Variants in GYPC observed in about 807,000 individuals in gnomAD.
GYPC encodes the protein glycophorin-C.
In GYPC, 14 loss-of-function variants were observed where a neutral mutation model predicts 12.6. The ratio of observed to expected loss-of-function variants is 1.11; its 90% confidence interval spans 0.74 to 1.74. GYPC has a LOEUF of 1.74. GYPC is among the 40% of genes most tolerant of loss of function. The probability of loss-of-function intolerance (pLI) is 0.00; values close to 1 mark genes in which losing one functional copy is unlikely to be tolerated. For synonymous variants in GYPC, 78 were observed against 62.1 expected (o/e 1.26, Z -1.20); for missense variants, 225 against 172.1 (o/e 1.31, Z -1.72).
chr2:126,671,820 C>G (rs1026183554), intron 1 of GYPC, among the ~76,000 whole-genome samples: 1 of 152,208 alleles, frequency 6.6e-6, no homozygotes, highest in Non-Finnish European at 1.5e-5. Flanking sequence ...TCAGATGGCA[C>G]TAAGGGCTGG....
intron 1 of GYPC, among the ~76,000 whole-genome samples, chr2:126,661,865 T>A (rs2104769700): frequency 6.6e-6 from 1 of 152,300 alleles, no homozygotes; most frequent in Admixed American, 6.5e-5. Context: ...AAGCTCCGCT[T>A]CGGGGCATGT....
chr2:126,677,640 G>C lies in GYPC; in HGVS notation c.50-12615G>C, dbSNP rs920430662. 2.7e-5 allele frequency among the ~76,000 whole-genome samples: 4 copies of C among 149,680 alleles called. No homozygotes were observed. In the South Asian group the frequency reaches 8.6e-4, roughly 32 times the overall value. On this transcript the variant is annotated intron_variant, in intron 1 of 3. Coordinates refer to ENST00000259254, the MANE Select transcript of GYPC (RefSeq NM_002101.5). ...ACAATAAGAATAGCTCCCATGTGCC[G>C]GGCAACACCCCGAGAGCCACACTCA...
chr2:126,663,911 C>CTTTGAATG (rs1491218562), intron 1 of GYPC, among the ~76,000 whole-genome samples: 1 of 151,666 alleles, frequency 6.6e-6, no homozygotes, highest in Non-Finnish European at 1.5e-5. Context: ...TCATGCTCCC[C>CTTTGAATG]TTTGAATGGG....
At chr2:126,679,348 A>C (rs900945971) in intron 1 of GYPC, among the ~76,000 whole-genome samples, 2 of 152,198 alleles carry the variant, frequency 1.3e-5, no homozygotes, top group African/African-American at 4.8e-5. Context: ...GATAAATGAC[A>C]GTCATTAATG....
intron 1 of GYPC, among the ~76,000 whole-genome samples, chr2:126,670,239 C>G (rs953424022): frequency 3.9e-5 from 6 of 152,246 alleles, no homozygotes; most frequent in Non-Finnish European, 8.8e-5. Flanking sequence ...CTGGACCAAG[C>G]CTTAAGTTTA....
Position 126,690,257 on chromosome 2 carries a change from C to G in GYPC, c.52C>G (p.Pro18Ala). The G allele has an allele frequency of 3.1e-6, 5 of 1,611,296 alleles. No individual in the cohort carries two copies. Among genetic ancestry groups the G allele is most frequent in the Non-Finnish European group, 4.2e-6 (5 of 1,177,406 alleles). Reference sequence around the variant, plus strand: ...AGATTCTTGTCCTCTGTTCACAGAGCCTGATCCGGGGATGGCCTCTGCCTC... The same window carrying G: ...AGATTCTTGTCCTCTGTTCACAGAGGCTGATCCGGGGATGGCCTCTGCCTC... The part of the protein sequence containing the change: ...NSTAWPLSLE[P>A]DPGMASASTT... The change falls in exon 2 of 4, where the codon CCT becomes GCT. Residue 18 changes from proline (P) to alanine (A), a missense_variant and splice_region_variant. Physicochemically the swap from Pro to Ala is conservative, Grantham distance 27. Transcript: ENST00000259254.
chr2:126,670,749 A>C (rs1682829034), intron 1 of GYPC, among the ~76,000 whole-genome samples: 1 of 152,132 alleles, frequency 6.6e-6, no homozygotes, highest in East Asian at 1.9e-4. Flanking sequence ...AAAGACTCAG[A>C]GACAGGGAGA....
intron 1 of GYPC, among the ~76,000 whole-genome samples, chr2:126,667,583 A>C (rs1450832768): frequency 1.3e-5 from 2 of 151,038 alleles, no homozygotes; most frequent in Non-Finnish European, 2.9e-5. Flanking sequence ...TTATATTTTT[A>C]GTAGAGACGG....
At chr2:126,685,256 G>C (rs759463368) in intron 1 of GYPC, among the ~76,000 whole-genome samples, 1 of 152,204 alleles carries the variant, frequency 6.6e-6, no homozygotes, top group Non-Finnish European at 1.5e-5. Flanking sequence ...CACAGTGCTA[G>C]CTGAGAAGCA....
Position 126,695,984 on chromosome 2 carries a change from C to T in GYPC, c.229C>T (p.Leu77Phe). 1.9e-6 allele frequency: 3 copies of T among 1,614,160 alleles called. No individual in the cohort carries two copies. Among genetic ancestry groups the T allele is most frequent in the Middle Eastern group, 1.6e-4 (1 of 6,062 alleles). The part of the protein sequence containing the change: ...AAVAIVLVSL[L>F]FVMLRYMYRH... ...TGTGGCCATCGTCCTAGTCTCCCTC[C>T]TCTTCGTCATGCTGCGCTACATGTA... Residue 77 changes from leucine to phenylalanine, a missense_variant, in exon 4 of 4, where the codon CTC (leucine) becomes TTC (phenylalanine). Coordinates refer to ENST00000259254, the MANE Select transcript of GYPC (RefSeq NM_002101.5).
intron 1 of GYPC, among the ~76,000 whole-genome samples, chr2:126,672,049 A>G (rs533876794): frequency 1.3e-5 from 2 of 152,056 alleles, no homozygotes; most frequent in Non-Finnish European, 2.9e-5. Context: ...TCTGACCAAG[A>G]CACATCCAGG....
At chr2:126,659,177 A>G (rs991705591) in intron 1 of GYPC, among the ~76,000 whole-genome samples, 4 of 152,216 alleles carry the variant, frequency 2.6e-5, no homozygotes, top group African/African-American at 9.7e-5. Flanking sequence ...AAACGCTGTC[A>G]CTTTGGAATG....
rs28369975 is a variant in GYPC at position 126,663,252 on chromosome 2, T to G, written c.49+6940T>G. 5.0e-3 allele frequency among the ~76,000 whole-genome samples: 761 copies of G among 152,040 alleles called. 3 individuals carry two copies. Among genetic ancestry groups the G allele is most frequent in the Non-Finnish European group, 7.7e-3 (525 of 67,948 alleles). The stretch of plus-strand genomic sequence containing the variant: ...GTGGTTTCACCTTGTTGGCCAGGAT[T>G]GTCTCAATCTCCTGACCTCCTGATC... On this transcript the variant is annotated intron_variant, in intron 1 of 3. Transcript: ENST00000259254.
At chr2:126,693,646 G>T (rs1330403849) in intron 2 of GYPC, among the ~76,000 whole-genome samples, 4 of 152,164 alleles carry the variant, frequency 2.6e-5, no homozygotes, top group Non-Finnish European at 5.9e-5. Context: ...TGGTGGTTCA[G>T]GTTCAAACAG....
intron 1 of GYPC, chr2:126,658,802 T>C (rs1682443901): frequency 6.6e-6 from 1 of 152,224 alleles, no homozygotes; most frequent in Admixed American, 6.5e-5. Context: ...CATCAGAATA[T>C]CTCTTAAAGG....
chr2:126,666,708 T>TACACACACACACACACAC (rs67904410), intron 1 of GYPC, among the ~76,000 whole-genome samples: 4 of 118,422 alleles, frequency 3.4e-5, no homozygotes, highest in Non-Finnish European at 6.8e-5. Flanking sequence ...CCTCCCTCCC[T>TACACACACACACACACAC]ACACACACAC....
intron 1 of GYPC, among the ~76,000 whole-genome samples, chr2:126,676,592 G>A (rs1267222427): frequency 6.6e-6 from 1 of 152,208 alleles, no homozygotes; most frequent in African/African-American, 2.4e-5. Context: ...AGTTATGTAT[G>A]TGTTTATGGC....
At chr2:126,685,341 C>T (rs1227717528) in intron 1 of GYPC, among the ~76,000 whole-genome samples, 3 of 152,012 alleles carry the variant, frequency 2.0e-5, no homozygotes, top group African/African-American at 7.2e-5. Context: ...CAGATTTGCA[C>T]AAAGCCTTTC....
chr2:126,692,542 C>T (rs768770284), intron 2 of GYPC, among the ~76,000 whole-genome samples: 2 of 152,098 alleles, frequency 1.3e-5, no homozygotes, highest in East Asian at 1.9e-4. Flanking sequence ...GTAATGGGAA[C>T]GTGGGATTTC....
Sources: allele counts gnomAD v4.1 joint callset (sites outside exome capture counted in the v4.1 genomes callset), GRCh38; gene constraint gnomAD v4.1.1; transcripts MANE v1.5; gene names NCBI Gene and HGNC (gene_info 2026-07-23, HGNC 2026-07-21).